The following COLGALT2 variants were observed in gnomAD, a reference collection of about 807,000 sequenced individuals.
COLGALT2 encodes the protein procollagen galactosyltransferase 2.
A neutral mutation model predicts 73.4 loss-of-function variants in COLGALT2; 49 were observed. The observed-to-expected ratio is 0.67, with a 90% CI of 0.53 to 0.85. The LOEUF (loss-of-function observed/expected upper bound fraction) is 0.85, where lower values mean the gene tolerates loss of function less well. COLGALT2 is among the 40% of genes least tolerant of loss of function. The pLI is 0.00. For missense variants in COLGALT2, 722 were observed against 790.2 expected (o/e 0.91, Z 1.03); for synonymous variants, 295 against 307.6 (o/e 0.96, Z 0.43).
rs1296698296 is a variant in COLGALT2 at position 183,938,431 on chromosome 1, A to G, written c.*330T>C. ...CTCGGTGATCACTTTCTCTTGAACA[A>G]GACTCTGAGCCATGTTGTTCAACCT... On this transcript the variant is annotated 3_prime_UTR_variant, in exon 12 of 12. Coordinates refer to ENST00000361927, the MANE Select transcript of COLGALT2 (RefSeq NM_015101.4). The G allele has an allele frequency of 1.8e-6, 2 of 1,112,658 alleles. No homozygotes were observed. The highest frequency in any genetic ancestry group is 9.2e-5 in the Admixed American group (2 of 21,682). 68.9% of individuals were successfully genotyped at this position (1,112,658 alleles called of 1,614,324 possible). A position where few individuals can be genotyped will look rare whatever the true frequency, so the allele number is the denominator to read the frequency against.
chr1:184,014,420 A>C (rs1648932848), intron 1 of COLGALT2, among the ~76,000 whole-genome samples: 1 of 152,192 alleles, frequency 6.6e-6, no homozygotes, highest in South Asian at 2.1e-4. Context: ...GGATTTAATG[A>C]GGGGGATTAC....
At chr1:183,946,008 C>T (rs59381237) in intron 8 of COLGALT2, 2,443 of 156,498 alleles carry the variant, frequency 0.016, 66 homozygotes, top group African/African-American at 0.055. Context: ...AGCCTCACAA[C>T]TAAGAGAGCG....
chr1:183,999,207 AT>A (rs1381270608), intron 1 of COLGALT2, among the ~76,000 whole-genome samples: 1 of 152,082 alleles, frequency 6.6e-6, no homozygotes, highest in Non-Finnish European at 1.5e-5. Context: ...CACTTTTTGC[AT>A]CTATTGAGAT....
In COLGALT2 at chr1:184,037,170, T is replaced by C. The variant is rs774134802; in HGVS notation, c.188A>G (p.Asn63Ser). The change falls in exon 1 of 12, where the codon AAC becomes AGC. Residue 63 changes from asparagine to serine, a missense_variant. Transcript: ENST00000361927. Reference protein sequence around the residue: ...PTVLVAVLARNAAHTLPHFLG... With the variant: ...PTVLVAVLARSAAHTLPHFLG... ...GAAGTGCGGCAGCGTGTGCGCCGCG[T>C]TGCGGGCGAGGACCGCCACGAGCAC... 1 of 1,603,936 alleles carries C rather than the reference T, an allele frequency of 6.2e-7. No homozygotes were observed. The highest frequency in any genetic ancestry group is 1.4e-5 in the African/African-American group (1 of 73,980).
At position 183,973,692 on chromosome 1, in the gene COLGALT2, T is replaced by C. The variant is rs568945965; in HGVS notation, c.551A>G (p.Glu184Gly). Reference protein sequence around the residue: ...NPQTLNLLIAENKTIVAPMLE... With the variant: ...NPQTLNLLIAGNKTIVAPMLE... ...CATGGGGGCCACAATAGTTTTGTTT[T>C]CTGCAATCAGTAGATTGAGGGTCTG... The change falls in exon 4 of 12, where the codon GAA (glutamate) becomes GGA (glycine). Residue 184 changes from glutamate to glycine, a missense_variant. Transcript: ENST00000361927. The C allele has an allele frequency of 1.2e-6, 2 of 1,614,102 alleles. No individual in the cohort carries two copies. The highest frequency in any genetic ancestry group is 4.5e-5 in the East Asian group (2 of 44,882).
intron 10 of COLGALT2, 37 bp from the exon 11 acceptor site, chr1:183,940,824 G>C: frequency 6.5e-7 from 1 of 1,540,062 alleles, no homozygotes; most frequent in Non-Finnish European, 9.0e-7. Flanking sequence ...ATTCCACCTT[G>C]ACTATTATGC....
At chr1:183,947,734 A>G (rs1670289218) in intron 8 of COLGALT2, among the ~76,000 whole-genome samples, 2 of 152,240 alleles carry the variant, frequency 1.3e-5, no homozygotes, top group African/African-American at 4.8e-5. Context: ...GAAGAAAATA[A>G]TAAAGGTTAC....
intron 1 of COLGALT2, among the ~76,000 whole-genome samples, chr1:184,031,125 C>G (rs1353368701): frequency 2.0e-5 from 3 of 152,130 alleles, no homozygotes; most frequent in African/African-American, 7.2e-5. Context: ...TTTCTTCAAT[C>G]ATTTGGAATG....
chr1:184,019,260 A>G (rs1326727025), intron 1 of COLGALT2, among the ~76,000 whole-genome samples: 2 of 151,468 alleles, frequency 1.3e-5, no homozygotes, highest in Non-Finnish European at 2.9e-5. Context: ...CTCATTTTTC[A>G]TGAAGAAACC....
At chr1:183,999,418 C>A (rs1403505282) in intron 1 of COLGALT2, among the ~76,000 whole-genome samples, 1 of 151,976 alleles carries the variant, frequency 6.6e-6, no homozygotes, top group Non-Finnish European at 1.5e-5. Flanking sequence ...GTAGTATTTT[C>A]TTTTATTATA....
At chr1:184,006,924 GC>G (rs1672101356) in intron 1 of COLGALT2, among the ~76,000 whole-genome samples, 1 of 152,186 alleles carries the variant, frequency 6.6e-6, no homozygotes, top group Non-Finnish European at 1.5e-5. Context: ...GTCAGTAGAT[GC>G]CACTTAGTTA....
At chr1:184,012,792 C>T (rs1648853325) in intron 1 of COLGALT2, among the ~76,000 whole-genome samples, 1 of 152,198 alleles carries the variant, frequency 6.6e-6, no homozygotes, top group African/African-American at 2.4e-5. Flanking sequence ...AATCAGTTGT[C>T]TTTGAGGATC....
intron 1 of COLGALT2, among the ~76,000 whole-genome samples, chr1:184,029,156 T>C (rs535699320): frequency 1.3e-5 from 2 of 152,356 alleles, no homozygotes. Flanking sequence ...GGATCTGAAC[T>C]ACAGAAAGTT....
At chr1:184,023,088 G>A (rs891467308) in intron 1 of COLGALT2, among the ~76,000 whole-genome samples, 8 of 152,176 alleles carry the variant, frequency 5.3e-5, no homozygotes, top group African/African-American at 4.8e-5. Context: ...AAAGGGAAGC[G>A]TTTGATTTTA....
intron 1 of COLGALT2, among the ~76,000 whole-genome samples, chr1:184,022,066 G>A (rs965192610): frequency 3.9e-5 from 6 of 152,262 alleles, no homozygotes; most frequent in Admixed American, 3.9e-4. Context: ...ATCGTCTTAG[G>A]GCTCAAAAAC....
At chr1:183,957,017 G>C (rs991897727) in intron 6 of COLGALT2, among the ~76,000 whole-genome samples, 2 of 151,968 alleles carry the variant, frequency 1.3e-5, no homozygotes, top group African/African-American at 4.8e-5. Context: ...ATCCCTTCCT[G>C]GAAATAATCC....
chr1:184,013,822 C>T (rs1040533830), intron 1 of COLGALT2, among the ~76,000 whole-genome samples: 6 of 151,652 alleles, frequency 4.0e-5, no homozygotes, highest in South Asian at 2.1e-4. Context: ...AAGGAAGTGG[C>T]AGAACAGATA....
chr1:183,959,052 A>G (rs1001911163), intron 6 of COLGALT2, among the ~76,000 whole-genome samples: 3 of 152,060 alleles, frequency 2.0e-5, no homozygotes, highest in Non-Finnish European at 4.4e-5. Context: ...GCCCATGTCA[A>G]GGTCATCACA....
rs1360544720 is a variant in COLGALT2, at chr1:183,940,736, G to T, written c.1449C>A (p.Pro483=). ...CGGCTTCGACCAGGTTTGCCACATT[G>T]GGCACTGCTTTCTCTGGCTCCTTTA... is the stretch of plus-strand genomic sequence containing the variant. ...MQVKEPEKAV[P]NVANLVEADY... is the part of the protein sequence containing the mutation. Residue 483 remains proline, a synonymous_variant, in exon 11 of 12, where the codon CCC becomes CCA. Coordinates refer to ENST00000361927, the MANE Select transcript of COLGALT2 (RefSeq NM_015101.4). The T allele has an allele frequency of 1.2e-6, 2 of 1,614,194 alleles. No individual in the cohort carries two copies. Among genetic ancestry groups the T allele is most frequent in the Admixed American group, 1.7e-5 (1 of 60,030 alleles).
Sources: allele counts gnomAD v4.1 joint callset (sites outside exome capture counted in the v4.1 genomes callset), GRCh38; gene constraint gnomAD v4.1.1; transcripts MANE v1.5; gene names NCBI Gene and HGNC (gene_info 2026-07-23, HGNC 2026-07-21).